NOSTRIN: variants seen among roughly 807,000 people sequenced by gnomAD.
NOSTRIN encodes BM247 homolog.
A neutral mutation model predicts 59.0 loss-of-function variants in NOSTRIN; 63 were observed. That is an observed-to-expected ratio of 1.07 (90% confidence interval 0.87 to 1.32). The LOEUF (loss-of-function observed/expected upper bound fraction) is 1.32, where lower values mean the gene tolerates loss of function less well. Among genes scored for constraint, NOSTRIN ranks in the 40% most tolerant of loss-of-function variants. The probability of loss-of-function intolerance (pLI) is 0.00; values close to 1 mark genes in which losing one functional copy is unlikely to be tolerated. For synonymous variants in NOSTRIN, 200 were observed against 165.4 expected (o/e 1.21, Z -1.61); for missense variants, 512 against 473.1 (o/e 1.08, Z -0.76).
At chr2:168,800,213 C>T (rs1006544363), upstream of NOSTRIN, among the ~76,000 whole-genome samples, 1 of 151,674 alleles carries the variant, frequency 6.6e-6, no homozygotes, top group Admixed American at 6.6e-5. Flanking sequence ...AGATGACCTG[C>T]TTTTACATGA....
At chr2:168,806,414 G>C (rs185166033) in intron 1 of NOSTRIN, among the ~76,000 whole-genome samples, 1 of 152,126 alleles carries the variant, frequency 6.6e-6, no homozygotes, top group Admixed American at 6.5e-5. Flanking sequence ...TTTACAAGTC[G>C]CCTGTCTAAA....
intron 8 of NOSTRIN, among the ~76,000 whole-genome samples, chr2:168,847,615 T>C (rs1688509128): frequency 6.6e-6 from 1 of 152,166 alleles, no homozygotes; most frequent in African/African-American, 2.4e-5. Flanking sequence ...GAAGAACAAA[T>C]TGTCATGATG....
intron 15 of NOSTRIN, chr2:168,863,249 T>C (rs1689587297): frequency 1.2e-5 from 3 of 246,684 alleles, no homozygotes; most frequent in African/African-American, 4.6e-5. Context: ...TTCTTGTTAA[T>C]AGATTATGTC....
chr2:168,794,450 C>T (rs545912102), upstream of NOSTRIN, among the ~76,000 whole-genome samples: 19 of 150,880 alleles, frequency 1.3e-4, no homozygotes, highest in Non-Finnish European at 2.4e-4. Flanking sequence ...CTCCCAGGTT[C>T]GCACCATTCT....
At chr2:168,863,836 T>C (rs1247919002) in intron 15 of NOSTRIN, among the ~76,000 whole-genome samples, 1 of 152,098 alleles carries the variant, frequency 6.6e-6, no homozygotes, top group African/African-American at 2.4e-5. Flanking sequence ...AGAAAGAGTT[T>C]GGTGACAATC....
At chr2:168,826,473 C>T (rs1050836603) in intron 3 of NOSTRIN, among the ~76,000 whole-genome samples, 2 of 149,566 alleles carry the variant, frequency 1.3e-5, no homozygotes, top group Non-Finnish European at 3.0e-5. Context: ...TTGCTTCCTT[C>T]GTTCCTTCTC....
intron 1 of NOSTRIN, among the ~76,000 whole-genome samples, chr2:168,804,160 G>C (rs1022775836): frequency 6.6e-6 from 1 of 152,218 alleles, no homozygotes; most frequent in Non-Finnish European, 1.5e-5. Context: ...AGACAGCAAA[G>C]TCAAGTCTTC....
intron 8 of NOSTRIN, among the ~76,000 whole-genome samples, chr2:168,849,110 C>A (rs1280440757): frequency 2.6e-5 from 4 of 152,172 alleles, no homozygotes; most frequent in African/African-American, 9.7e-5. Flanking sequence ...ACCCAGTGAT[C>A]TTTGTGACTC....
chr2:168,797,730 C>A (rs976088507), upstream of NOSTRIN, among the ~76,000 whole-genome samples: 2 of 151,380 alleles, frequency 1.3e-5, no homozygotes, highest in Admixed American at 1.3e-4. Context: ...GTAATCCCAG[C>A]ACTTTGGGAG....
At chr2:168,809,694 T>A (rs970140602) in intron 1 of NOSTRIN, among the ~76,000 whole-genome samples, 7 of 149,654 alleles carry the variant, frequency 4.7e-5, no homozygotes, top group Non-Finnish European at 7.4e-5. Flanking sequence ...ATCAGACCAT[T>A]CATATATGGT....
rs1689757544 is a variant in NOSTRIN, at chr2:168,864,860, A to G, written c.1411A>G (p.Lys471Glu). 3.1e-6 allele frequency: 5 copies of G among 1,613,910 alleles called. No individual in the cohort carries two copies. Among genetic ancestry groups the G allele is most frequent in the Admixed American group, 3.3e-5 (2 of 59,998 alleles). Residue 471 changes from lysine to glutamate, a missense_variant, in exon 16 of 16, where the codon AAA becomes GAA. Lys to Glu is a moderately conservative substitution (Grantham distance 56). Coordinates refer to ENST00000317647, the MANE Select transcript of NOSTRIN (RefSeq NM_001039724.4). ...KGDIVIIHEK[K>E]EGGWWFGSLN... ...TGACATTGTGATTATACACGAGAAA[A>G]AAGAAGGAGGATGGTGGTTTGGATC... is the stretch of plus-strand genomic sequence containing the variant.
chr2:168,806,361 G>A (rs1385883944), intron 1 of NOSTRIN, among the ~76,000 whole-genome samples: 1 of 152,018 alleles, frequency 6.6e-6, no homozygotes, highest in African/African-American at 2.4e-5. Flanking sequence ...CATTCAAGCA[G>A]AAAGAGCAGG....
chr2:168,815,540 T>C (rs1686348879), intron 2 of NOSTRIN, among the ~76,000 whole-genome samples: 1 of 152,156 alleles, frequency 6.6e-6, no homozygotes, highest in African/African-American at 2.4e-5. Flanking sequence ...GCTCTGGACA[T>C]TAAAAAGAAA....
At chr2:168,828,070 C>G in intron 3 of NOSTRIN, 88 bp from the exon 4 acceptor site, 1 of 812,366 alleles carries the variant, frequency 1.2e-6, no homozygotes, top group Non-Finnish European at 2.2e-6. Flanking sequence ...TGTGGTGAAT[C>G]AGATGCGATG....
chr2:168,827,587 C>A (rs1322159965), intron 3 of NOSTRIN, among the ~76,000 whole-genome samples: 1 of 151,718 alleles, frequency 6.6e-6, no homozygotes, highest in Non-Finnish European at 1.5e-5. Context: ...GGGAGAGGGG[C>A]TCAGGGGATA....
At chr2:168,802,593 G>A, upstream of NOSTRIN, 1 of 857,482 alleles carries the variant, frequency 1.2e-6, no homozygotes, top group Non-Finnish European at 2.0e-6. Flanking sequence ...CTTGATTACA[G>A]TGTCCAGAAT....
intron 8 of NOSTRIN, among the ~76,000 whole-genome samples, chr2:168,844,971 C>T (rs1312952186): frequency 2.6e-5 from 4 of 151,954 alleles, no homozygotes; most frequent in African/African-American, 7.3e-5. Flanking sequence ...GGAAACCCAA[C>T]GGCTGCATTT....
upstream of NOSTRIN, among the ~76,000 whole-genome samples, chr2:168,801,361 C>A (rs1171756610): frequency 5.3e-5 from 8 of 149,720 alleles, no homozygotes; most frequent in Admixed American, 5.3e-4. Flanking sequence ...GCTGGGACTA[C>A]AGGCACATAC....
intron 5 of NOSTRIN, among the ~76,000 whole-genome samples, chr2:168,829,022 T>G (rs1005500040): frequency 1.3e-5 from 2 of 152,170 alleles, no homozygotes; most frequent in African/African-American, 4.8e-5. Flanking sequence ...TTTTTTGCAT[T>G]TTTAAAATAA....
Sources: allele counts gnomAD v4.1 joint callset (sites outside exome capture counted in the v4.1 genomes callset), GRCh38; gene constraint gnomAD v4.1.1; transcripts MANE v1.5; gene names NCBI Gene and HGNC (gene_info 2026-07-23, HGNC 2026-07-21).